ADGRF4: variants seen among roughly 807,000 people sequenced by gnomAD.
The protein encoded by ADGRF4 is G-protein coupled receptor PGR18.
In ADGRF4, 63 loss-of-function variants were observed where a neutral mutation model predicts 58.5. The ratio of observed to expected loss-of-function variants is 1.08; its 90% CI spans 0.88 to 1.33. The LOEUF (loss-of-function observed/expected upper bound fraction) is 1.33. ADGRF4 is among the 40% of genes most tolerant of loss of function. The pLI is 0.00. For missense variants in ADGRF4, 931 were observed against 843.9 expected, an observed-to-expected ratio of 1.10 and a Z score of -1.28; for synonymous variants, 313 against 295.4, an observed-to-expected ratio of 1.06 and a Z score of -0.61.
At position 47,716,851 on chromosome 6, in the gene ADGRF4, A is replaced by G. The variant is rs1392510450; in HGVS notation, c.1974+4A>G. Reference sequence around the variant, plus strand: ...TGGAACCATTATGGATCACAAGGTAATTTGAATTTGCTTCCTCCTTATAAA... The same window carrying G: ...TGGAACCATTATGGATCACAAGGTAGTTTGAATTTGCTTCCTCCTTATAAA... On this transcript the variant is annotated splice_donor_region_variant and intron_variant, in intron 7 of 9. Transcript: ENST00000283303. The G allele has an allele frequency of 6.3e-7, 1 of 1,591,932 alleles. No homozygotes were observed. Among genetic ancestry groups the G allele is most frequent in the Non-Finnish European group, 8.6e-7 (1 of 1,166,238 alleles).
At chr6:47,709,450 A>G (rs1771806657) in intron 3 of ADGRF4, among the ~76,000 whole-genome samples, 1 of 152,242 alleles carries the variant, frequency 6.6e-6, no homozygotes, top group Non-Finnish European at 1.5e-5. Flanking sequence ...ATGGCCTGCA[A>G]AGCTGAAAAT....
intron 3 of ADGRF4, among the ~76,000 whole-genome samples, chr6:47,709,063 G>A (rs1771795997): frequency 6.6e-6 from 1 of 152,172 alleles, no homozygotes; most frequent in Non-Finnish European, 1.5e-5. Context: ...AAGGTTTGAT[G>A]CAAATTTTGC....
rs1251288686 is a variant in ADGRF4 at position 47,717,313 on chromosome 6, AG to A, written c.1998del (p.Met667CysfsTer4). ...TTAGATAAGAGATGCTTTGAGGATG[AG>A]GATGTCTTCACTGAAGGGGAAATCG... The part of the protein sequence containing the change: ...DHKIRDALRM[R>X]MSSLKGKSRA... On this transcript the variant is annotated frameshift_variant, in exon 8 of 10. Coordinates refer to ENST00000283303, the MANE Select transcript of ADGRF4 (RefSeq NM_153838.5). LOFTEE classifies it high-confidence loss of function. 1.2e-6 allele frequency: 2 copies of A among 1,611,774 alleles called. No individual in the cohort carries two copies. The highest frequency in any genetic ancestry group is 1.7e-6 in the Non-Finnish European group (2 of 1,177,854).
At chr6:47,720,857 G>C (rs1339632097) in intron 9 of ADGRF4, among the ~76,000 whole-genome samples, 1 of 152,186 alleles carries the variant, frequency 6.6e-6, no homozygotes, top group African/African-American at 2.4e-5. Flanking sequence ...CATATACCCG[G>C]AGGGAAGCAA....
intron 2 of ADGRF4, 38 bp from the exon 3 acceptor site, chr6:47,708,186 C>T (rs16876334): frequency 0.081 from 123,510 of 1,524,932 alleles, 14,078 homozygotes; most frequent in East Asian, 0.56. Context: ...AGCAGAGTCC[C>T]ACAGTAAAGA....
intron 1 of ADGRF4, among the ~76,000 whole-genome samples, chr6:47,701,434 A>G (rs1015934785): frequency 6.6e-6 from 1 of 152,238 alleles, no homozygotes; most frequent in Non-Finnish European, 1.5e-5. Flanking sequence ...TATCTCTGAA[A>G]TAAATCATCT....
chr6:47,715,578 G>A (rs986036844), intron 6 of ADGRF4: 4 of 161,506 alleles, frequency 2.5e-5, no homozygotes, highest in Admixed American at 1.7e-4. Flanking sequence ...ATGAAGTAAT[G>A]GGCCTTGCCA....
intron 1 of ADGRF4, among the ~76,000 whole-genome samples, chr6:47,701,628 CT>C (rs1396181819): frequency 6.6e-6 from 1 of 152,158 alleles, no homozygotes; most frequent in African/African-American, 2.4e-5. Context: ...AAACTGATTT[CT>C]TTCTTGTGGT....
At chr6:47,719,121 C>A (rs1772100132) in intron 9 of ADGRF4, among the ~76,000 whole-genome samples, 1 of 152,180 alleles carries the variant, frequency 6.6e-6, no homozygotes, top group Non-Finnish European at 1.5e-5. Context: ...GCAGCCACAT[C>A]CTTTTTATAT....
intron 2 of ADGRF4, among the ~76,000 whole-genome samples, 181 bp downstream of exon 2, chr6:47,707,519 G>A (rs183656492): frequency 1.1e-3 from 175 of 152,300 alleles, no homozygotes; most frequent in African/African-American, 3.6e-3. Flanking sequence ...GCAGGGACTT[G>A]CCTGGAGAGC....
At chr6:47,700,202 C>T (rs976818608) in intron 1 of ADGRF4, among the ~76,000 whole-genome samples, 2 of 151,836 alleles carry the variant, frequency 1.3e-5, no homozygotes, top group Non-Finnish European at 2.9e-5. Flanking sequence ...AACAGGTTTG[C>T]GAGATCACAC....
At chr6:47,716,944 A>G (rs1357752072) in intron 7 of ADGRF4, 97 bp downstream of exon 7, 3 of 825,264 alleles carry the variant, frequency 3.6e-6, no homozygotes, top group Non-Finnish European at 6.1e-6. Flanking sequence ...ACTCCAGGGG[A>G]GTTGAGTTTG....
At chr6:47,711,032 CCTT>C in intron 4 of ADGRF4, 146 bp downstream of exon 4, 2 of 702,790 alleles carry the variant, frequency 2.8e-6, no homozygotes, top group East Asian at 3.1e-5. Context: ...TGTTTCTTGA[CCTT>C]CTTTCCTTAC....
At chr6:47,713,066 C>A (rs1344263957) in intron 5 of ADGRF4, among the ~76,000 whole-genome samples, 1 of 152,098 alleles carries the variant, frequency 6.6e-6, no homozygotes, top group Non-Finnish European at 1.5e-5. Context: ...GAAGCACGGA[C>A]CTTATTGTGA....
In ADGRF4 at chr6:47,714,136, C is replaced by G; in HGVS notation, c.891C>G (p.Thr297=). The change falls in exon 6 of 10, where the codon ACC becomes ACG. Residue 297 remains threonine (T), a synonymous_variant. Coordinates refer to ENST00000283303, the MANE Select transcript of ADGRF4 (RefSeq NM_153838.5). The part of the protein sequence containing the change: ...ASQAISIAFP[T]LGAILREAHL... Reference sequence around the variant, plus strand: ...AAGCCATTAGCATAGCTTTCCCAACCTTGGGGGCTATCCTGAGAGAAGCCC... The same window carrying G: ...AAGCCATTAGCATAGCTTTCCCAACGTTGGGGGCTATCCTGAGAGAAGCCC... 6.2e-7 allele frequency: 1 copy of G among 1,613,936 alleles called. No homozygotes were observed.
chr6:47,718,479 T>G, intron 9 of ADGRF4, 34 bp downstream of exon 9: 1 of 1,247,578 alleles, frequency 8.0e-7, no homozygotes, highest in Non-Finnish European at 1.2e-6. Context: ...AAATTTCACT[T>G]GCAATTTGTG....
rs75239570 is a variant in ADGRF4, at chr6:47,712,882, A to G, written c.552+274A>G. On this transcript the variant is annotated intron_variant, in intron 5 of 9. Transcript: ENST00000283303. ...CTATGAGCAAGACGGAATGTACACT[A>G]ATGTTTCTAAATTATATTAGAACAG... 7.2e-3 allele frequency among the ~76,000 whole-genome samples: 1,097 copies of G among 152,312 alleles called. 13 individuals carry two copies. Among genetic ancestry groups the G allele is most frequent in the South Asian group, 0.062 (299 of 4,820 alleles).
At chr6:47,715,759 T>G (rs185660185) in intron 6 of ADGRF4, among the ~76,000 whole-genome samples, 1 of 152,340 alleles carries the variant, frequency 6.6e-6, no homozygotes, top group East Asian at 1.9e-4. Context: ...AGTAGAATGT[T>G]CCCCACTACT....
chr6:47,711,112 CAAAAAAA>C (rs35782783), intron 4 of ADGRF4, among the ~76,000 whole-genome samples: 1 of 145,960 alleles, frequency 6.9e-6, no homozygotes, highest in South Asian at 2.1e-4. Context: ...AAACTTTTCT[CAAAAAAA>C]AAAAAAAAAA....
Sources: gnomAD v4.1 joint callset for allele counts (sites outside exome capture counted in the v4.1 genomes callset) on GRCh38, gnomAD v4.1.1 for gene constraint, MANE v1.5 for transcripts, NCBI Gene and HGNC (gene_info 2026-07-23, HGNC 2026-07-21) for gene names.